RGS5: variants seen among roughly 807,000 people sequenced by gnomAD.
RGS5 encodes regulator of G-protein signalling 5.
Under a neutral mutation model 18.9 loss-of-function variants are expected in RGS5, and 20 were observed. The observed-to-expected ratio is 1.06, with a 90% confidence interval of 0.74 to 1.54. The LOEUF (loss-of-function observed/expected upper bound fraction) is 1.54, where lower values mean the gene tolerates loss of function less well. RGS5 is among the 40% of genes most tolerant of loss of function. The probability of loss-of-function intolerance (pLI) is 0.00; values close to 1 mark genes in which losing one functional copy is unlikely to be tolerated. For synonymous variants in RGS5, 57 were observed against 76.2 expected (o/e 0.75, Z 1.31); for missense variants, 201 against 211.8 (o/e 0.95, Z 0.32).
intron 1 of RGS5, among the ~76,000 whole-genome samples, chr1:163,193,965 C>T (rs1353242546): frequency 5.3e-5 from 8 of 152,140 alleles, no homozygotes; most frequent in Non-Finnish European, 1.2e-4. Context: ...CCCCCAAAGT[C>T]ACATGCGTCT....
At chr1:163,164,338 G>C (rs1365586962) in intron 2 of RGS5, among the ~76,000 whole-genome samples, 1 of 152,162 alleles carries the variant, frequency 6.6e-6, no homozygotes, top group African/African-American at 2.4e-5. Context: ...GGGAGTGTGG[G>C]GGAGAGAGAG....
At chr1:163,276,310 T>G (rs1489984067) in intron 2 of RGS5, among the ~76,000 whole-genome samples, 3 of 152,058 alleles carry the variant, frequency 2.0e-5, no homozygotes, top group African/African-American at 7.2e-5. Flanking sequence ...CACATTTTAA[T>G]CCATCCCAAC....
At chr1:163,318,397 T>C (rs573230983) in intron 1 of RGS5, among the ~76,000 whole-genome samples, 2 of 152,158 alleles carry the variant, frequency 1.3e-5, no homozygotes, top group African/African-American at 4.8e-5. Flanking sequence ...ACAAGATGGA[T>C]TTGGCGGTGT....
intron 1 of RGS5, among the ~76,000 whole-genome samples, chr1:163,313,134 G>A (rs1057032710): frequency 6.6e-6 from 1 of 152,054 alleles, no homozygotes; most frequent in Non-Finnish European, 1.5e-5. Flanking sequence ...TATCAATTGG[G>A]GTAGAAATGT....
chr1:163,245,984 G>T (rs1188162996), intron 2 of RGS5, among the ~76,000 whole-genome samples: 2 of 152,152 alleles, frequency 1.3e-5, no homozygotes, highest in African/African-American at 4.8e-5. Context: ...GGGAGGCCAA[G>T]GCGGGCGGAT....
intron 2 of RGS5, among the ~76,000 whole-genome samples, chr1:163,225,292 C>CA (rs1647309634): frequency 6.6e-6 from 1 of 152,122 alleles, no homozygotes; most frequent in Non-Finnish European, 1.5e-5. Context: ...CACAGTGAGT[C>CA]AGGTTTCAAT....
intron 3 of RGS5, among the ~76,000 whole-genome samples, chr1:163,158,802 G>A (rs1310957856): frequency 2.0e-5 from 3 of 152,130 alleles, no homozygotes; most frequent in Non-Finnish European, 2.9e-5. Flanking sequence ...CAGGAGACAG[G>A]GTTTGAGAGC....
intron 3 of RGS5, among the ~76,000 whole-genome samples, chr1:163,160,762 C>T (rs1229000306): frequency 6.6e-6 from 1 of 152,106 alleles, no homozygotes; most frequent in Non-Finnish European, 1.5e-5. Flanking sequence ...CTTATCTTTG[C>T]AAAGCATGTG....
At chr1:163,292,550 G>A (rs1410720188) in intron 2 of RGS5, among the ~76,000 whole-genome samples, 3 of 152,138 alleles carry the variant, frequency 2.0e-5, no homozygotes, top group African/African-American at 7.2e-5. Flanking sequence ...GGGATTGCTG[G>A]GTCAAATGGT....
chr1:163,151,184 C>T (rs16849876), intron 4 of RGS5, among the ~76,000 whole-genome samples: 1 of 152,128 alleles, frequency 6.6e-6, no homozygotes. Context: ...CAACAAAAAT[C>T]TGGGCTTTAA....
At chr1:163,240,297 C>T (rs1239217663) in intron 2 of RGS5, among the ~76,000 whole-genome samples, 2 of 151,732 alleles carry the variant, frequency 1.3e-5, no homozygotes, top group African/African-American at 2.4e-5. Flanking sequence ...AAAGAATAGA[C>T]TAATAGTGTA....
upstream of RGS5, chr1:163,217,645 C>T: frequency 6.6e-7 from 1 of 1,516,022 alleles, no homozygotes; most frequent in Non-Finnish European, 8.8e-7. Context: ...CTTTCCTGGG[C>T]TAGTGTTCCT....
chr1:163,216,416 G>C (rs1273000618), intron 1 of RGS5, among the ~76,000 whole-genome samples: 2 of 152,096 alleles, frequency 1.3e-5, no homozygotes, highest in African/African-American at 2.4e-5. Flanking sequence ...AAACCAGATG[G>C]GCTCCAGCCT....
chr1:163,281,141 C>T (rs975110941), intron 2 of RGS5, among the ~76,000 whole-genome samples: 3 of 152,058 alleles, frequency 2.0e-5, no homozygotes, highest in Non-Finnish European at 2.9e-5. Context: ...GTCTGTCATC[C>T]ATGTAAGATG....
intron 2 of RGS5, chr1:163,266,464 C>G (rs1428329236): frequency 6.6e-6 from 1 of 152,074 alleles, no homozygotes; most frequent in African/African-American, 2.4e-5. Flanking sequence ...CAATAGCTCC[C>G]TACATTTTAT....
At chr1:163,273,015 T>C (rs1276603282) in intron 2 of RGS5, among the ~76,000 whole-genome samples, 1 of 152,114 alleles carries the variant, frequency 6.6e-6, no homozygotes, top group Non-Finnish European at 1.5e-5. Context: ...AGTATGTCAT[T>C]TGATTTCCAT....
intron 2 of RGS5, chr1:163,306,142 T>C (rs1649692960): frequency 6.6e-6 from 1 of 152,210 alleles, no homozygotes; most frequent in Non-Finnish European, 1.5e-5. Flanking sequence ...ATCTTGTATA[T>C]TCACTACATG....
chr1:163,153,997 C>T (rs187962358), intron 3 of RGS5, among the ~76,000 whole-genome samples: 6 of 152,180 alleles, frequency 3.9e-5, no homozygotes, highest in Admixed American at 1.3e-4. Flanking sequence ...TAACATGTTT[C>T]GAATGTCACT....
chr1:163,161,742 T>C, intron 3 of RGS5, 173 bp downstream of exon 3: 1 of 542,114 alleles, frequency 1.8e-6, no homozygotes, highest in Middle Eastern at 5.1e-4. Flanking sequence ...GACCCTCCTT[T>C]TCTTGTGAAC....
Sources: allele counts gnomAD v4.1 joint callset (sites outside exome capture counted in the v4.1 genomes callset), GRCh38; gene constraint gnomAD v4.1.1; transcripts MANE v1.5; gene names NCBI Gene and HGNC (gene_info 2026-07-23, HGNC 2026-07-21).